NBAS: variants seen among roughly 807,000 people sequenced by gnomAD.
NBAS encodes the protein NAG/BC035112 fusion.
In NBAS, 219 loss-of-function variants were observed where a neutral mutation model predicts 302.5. The observed-to-expected ratio is 0.72, with a 90% CI of 0.65 to 0.81. NBAS has a LOEUF of 0.81. NBAS is among the 30% of genes least tolerant of loss of function. The pLI, the probability that NBAS is intolerant of heterozygous loss-of-function variation, is 0.00. For missense variants in NBAS, 2,932 were observed against 2,841.6 expected, an observed-to-expected ratio of 1.03 and a Z score of -0.72; for synonymous variants, 1,118 against 1,021.6, an observed-to-expected ratio of 1.09 and a Z score of -1.80.
At chr2:15,422,489 C>A (rs1400500874) in intron 23 of NBAS, among the ~76,000 whole-genome samples, 1 of 151,592 alleles carries the variant, frequency 6.6e-6, no homozygotes, top group Non-Finnish European at 1.5e-5. Context: ...AATTTTTCTG[C>A]AAACCTGAAA....
chr2:14,808,919 T>C, the NBAS span, among the ~76,000 whole-genome samples: 1 of 152,198 alleles, frequency 6.6e-6, no homozygotes, highest in South Asian at 2.1e-4. Flanking sequence ...TCTTGGGACC[T>C]GGAGCAAAGA....
the NBAS span, among the ~76,000 whole-genome samples, chr2:15,013,328 C>T: frequency 6.6e-6 from 1 of 152,086 alleles, no homozygotes; most frequent in East Asian, 1.9e-4. Flanking sequence ...AAACTTATTA[C>T]TATAGAAAAC....
the NBAS span, among the ~76,000 whole-genome samples, chr2:15,106,395 C>A: frequency 6.6e-6 from 1 of 151,938 alleles, no homozygotes; most frequent in Admixed American, 6.6e-5. Flanking sequence ...AATCGTTTAA[C>A]TTCCCACTAA....
At chr2:15,336,092 CAA>C (rs112260741) in intron 35 of NBAS, among the ~76,000 whole-genome samples, 31 of 105,578 alleles carry the variant, frequency 2.9e-4, no homozygotes, top group Admixed American at 2.9e-4. Flanking sequence ...ATCCTCATTT[CAA>C]AAAAAAAAAA....
chr2:14,806,411 T>G, the NBAS span, among the ~76,000 whole-genome samples: 9 of 152,324 alleles, frequency 5.9e-5, no homozygotes, highest in Non-Finnish European at 1.0e-4. Flanking sequence ...TTTCTACAAA[T>G]TTTTCAATGT....
chr2:14,883,692 A>G, the NBAS span, among the ~76,000 whole-genome samples: 2 of 152,132 alleles, frequency 1.3e-5, no homozygotes, highest in Non-Finnish European at 2.9e-5. Context: ...AATGACTGCT[A>G]AAAAGGTAAT....
chr2:15,346,795 T>C (rs896844026), intron 35 of NBAS, among the ~76,000 whole-genome samples: 3 of 152,176 alleles, frequency 2.0e-5, no homozygotes, highest in Non-Finnish European at 2.9e-5. Flanking sequence ...ATGTGGTACA[T>C]ATATACCATG....
At position 15,433,405 on chromosome 2, in the gene NBAS, A is replaced by G. The variant is rs75288507; in HGVS notation, c.2340-5611T>C. On this transcript the variant is annotated intron_variant, in intron 21 of 51. Transcript: ENST00000281513. ...TACAGTGAATGTTATAAAAACATTA[A>G]TACCAGCAAGAAGGTTTTTCACAAG... is the stretch of plus-strand genomic sequence containing the variant. 5.1e-3 allele frequency among the ~76,000 whole-genome samples: 784 copies of G among 152,356 alleles called. 9 individuals are homozygous for G. Among genetic ancestry groups the G allele is most frequent in the African/African-American group, 0.018 (758 of 41,584 alleles).
chr2:15,029,829 C>A, the NBAS span, among the ~76,000 whole-genome samples: 3 of 152,136 alleles, frequency 2.0e-5, no homozygotes, highest in Non-Finnish European at 2.9e-5. Flanking sequence ...TTGTCTGGTG[C>A]CCTTCCCAAT....
the NBAS span, among the ~76,000 whole-genome samples, chr2:14,850,108 T>A: frequency 1.7e-5 from 2 of 120,364 alleles, 1 homozygote; most frequent in Non-Finnish European, 3.3e-5. Context: ...TGGACTAAAT[T>A]CTCCAATTAA....
At chr2:15,037,774 A>G in the NBAS span, among the ~76,000 whole-genome samples, 1 of 152,062 alleles carries the variant, frequency 6.6e-6, no homozygotes, top group Admixed American at 6.5e-5. Flanking sequence ...TCCTCTTTTC[A>G]TATGATTTCA....
intron 49 of NBAS, among the ~76,000 whole-genome samples, chr2:15,189,225 T>G (rs970319057): frequency 6.6e-6 from 1 of 152,216 alleles, no homozygotes; most frequent in African/African-American, 2.4e-5. Flanking sequence ...GGTAGAGATC[T>G]AAGAAACATT....
chr2:15,206,190 G>A (rs573512012), intron 48 of NBAS, among the ~76,000 whole-genome samples: 1 of 152,262 alleles, frequency 6.6e-6, no homozygotes, highest in Admixed American at 6.5e-5. Context: ...ATTGGGAACT[G>A]GAATAAAGGT....
chr2:14,946,635 C>T, the NBAS span, among the ~76,000 whole-genome samples: 1 of 152,232 alleles, frequency 6.6e-6, no homozygotes, highest in South Asian at 2.1e-4. Flanking sequence ...ACACATCATC[C>T]AGACAGAAAC....
the NBAS span, among the ~76,000 whole-genome samples, chr2:14,981,886 C>T: frequency 3.3e-5 from 5 of 152,138 alleles, no homozygotes; most frequent in Non-Finnish European, 5.9e-5. Flanking sequence ...TAGCTAGTCT[C>T]AAAGGTGGCT....
At chr2:15,391,459 A>G (rs1477411604) in intron 28 of NBAS, among the ~76,000 whole-genome samples, 2 of 152,122 alleles carry the variant, frequency 1.3e-5, no homozygotes, top group Non-Finnish European at 2.9e-5. Flanking sequence ...AGTGGACTTT[A>G]AAAAACAGCG....
intron 19 of NBAS, among the ~76,000 whole-genome samples, chr2:15,465,051 G>A (rs1425912465): frequency 6.6e-6 from 1 of 152,192 alleles, no homozygotes; most frequent in Non-Finnish European, 1.5e-5. Flanking sequence ...GAGAGAAGAT[G>A]ATAGTACCCA....
chr2:15,478,214 C>T lies in NBAS; in HGVS notation c.1147+12G>A, dbSNP rs200314536. On this transcript the variant is annotated intron_variant, in intron 13 of 51. Coordinates refer to ENST00000281513, the MANE Select transcript of NBAS (RefSeq NM_015909.4). ...TATTAAGGTTTCAATTATCACATTT[C>T]GTAGAACTCACCTTTGATTTTTTTT... is the stretch of plus-strand genomic sequence containing the variant. 17 of 1,558,064 alleles carry T rather than the reference C, an allele frequency of 1.1e-5. No individual in the cohort carries two copies. The East Asian group carries it at 2.9e-4, about 27-fold the overall frequency.
chr2:15,536,578 C>CA, intron 7 of NBAS, 27 bp from the exon 8 acceptor site: 1 of 1,522,326 alleles, frequency 6.6e-7, no homozygotes, highest in Non-Finnish European at 8.9e-7. Flanking sequence ...AATTAAGTTA[C>CA]TAAAAAAAAA....
Sources: gnomAD v4.1 joint callset for allele counts (sites outside exome capture counted in the v4.1 genomes callset) on GRCh38, gnomAD v4.1.1 for gene constraint, MANE v1.5 for transcripts, NCBI Gene and HGNC (gene_info 2026-07-23, HGNC 2026-07-21) for gene names.